The following PMP22 variants were observed in gnomAD, a reference collection of about 807,000 sequenced individuals.
PMP22 encodes peripheral myelin protein 22, also known as Charcot-Marie-Tooth neuropathy 1A (greatly reduced nerve conduction velocity, hereditary motor sensory neuropathy Ia).
In PMP22, 2 loss-of-function variants were observed where a neutral mutation model predicts 18.9. The ratio of observed to expected loss-of-function variants is 0.11; its 90% CI spans 0.04 to 0.33. The LOEUF is 0.33. PMP22 is among the 10% of genes least tolerant of loss of function. PMP22 has a pLI of 1.00. For synonymous variants in PMP22, 95 were observed against 89.2 expected (o/e 1.07, Z -0.37); for missense variants, 169 against 202.2 (o/e 0.84, Z 1.00).
At position 15,230,145 on chromosome 17, in the gene PMP22, C is replaced by G. The variant is rs1418409500; in HGVS notation, c.*772G>C. The G allele has an allele frequency of 6.5e-6, 1 of 152,738 alleles. No homozygotes were observed. The highest frequency in any genetic ancestry group is 1.5e-5 in the Non-Finnish European group (1 of 68,118). The allele number at this position is 152,738 out of a possible 1,614,324, so 9.5% of individuals were successfully genotyped here. A position where few individuals can be genotyped will look rare whatever the true frequency, so the allele number is the denominator to read the frequency against. Reference sequence around the variant, plus strand: ...TTATATTACACAGAATTATTCAGGTCTCCATTCTATCTTATGTTGTAAAAT... The same window carrying G: ...TTATATTACACAGAATTATTCAGGTGTCCATTCTATCTTATGTTGTAAAAT... On this transcript the variant is annotated 3_prime_UTR_variant, in exon 5 of 5. Coordinates refer to ENST00000312280, the MANE Select transcript of PMP22 (RefSeq NM_000304.4).
At chr17:15,250,959 T>TGA (rs1427151619) in intron 3 of PMP22, among the ~76,000 whole-genome samples, 1 of 152,230 alleles carries the variant, frequency 6.6e-6, no homozygotes, top group Non-Finnish European at 1.5e-5. Context: ...ACAGCCAGAA[T>TGA]GAGCTTACAA....
chr17:15,238,594 G>T (rs1907008337), intron 4 of PMP22, among the ~76,000 whole-genome samples: 1 of 152,186 alleles, frequency 6.6e-6, no homozygotes, highest in Admixed American at 6.5e-5. Context: ...ATGCCCTGCT[G>T]GTTCAGTCAA....
In PMP22 at chr17:15,239,628, C is replaced by G. The variant is rs77406217; in HGVS notation, c.179-17G>C. On this transcript the variant is annotated splice_polypyrimidine_tract_variant and intron_variant, in intron 3 of 4. Transcript: ENST00000312280. The stretch of plus-strand genomic sequence containing the variant: ...GCAGCCATTCTGGGGGAAAGAGACA[C>G]TTGGTTAGGAGAGCTGGCCATGGCC... The G allele has an allele frequency of 1.9e-6, 3 of 1,613,390 alleles. No homozygotes were observed. The highest frequency in any genetic ancestry group is 2.5e-6 in the Non-Finnish European group (3 of 1,179,830).
intron 4 of PMP22, among the ~76,000 whole-genome samples, chr17:15,232,828 T>C (rs230944): frequency 0.57 from 87,396 of 152,000 alleles, 26,014 homozygotes; most frequent in African/African-American, 0.74. Context: ...ACAAGAGGGA[T>C]AGAAAGAGGC....
At chr17:15,248,050 C>T (rs1907985942) in intron 3 of PMP22, among the ~76,000 whole-genome samples, 1 of 152,210 alleles carries the variant, frequency 6.6e-6, no homozygotes, top group Non-Finnish European at 1.5e-5. Flanking sequence ...CTCTGAAAGG[C>T]CTCCATCCTA....
chr17:15,254,643 G>A (rs941061403), intron 3 of PMP22, among the ~76,000 whole-genome samples: 27 of 152,286 alleles, frequency 1.8e-4, no homozygotes, highest in African/African-American at 5.5e-4. Context: ...GGATTCAGAA[G>A]AGAGGTCTGG....
At position 15,258,402 on chromosome 17, in the gene PMP22, C is replaced by T. The variant is rs941745492; in HGVS notation, c.178+692G>A. ...GGGTGCCTTGGGTACCTAGTTGGTG[C>T]TTCTGCTGCCAATTATCCCTTAATT... On this transcript the variant is annotated intron_variant, in intron 3 of 4. Coordinates refer to ENST00000312280, the MANE Select transcript of PMP22 (RefSeq NM_000304.4). This position sits in a 1 kb window ranked among gnomAD's most constrained non-coding sequence, Gnocchi z 4.1. Among the ~76,000 whole-genome samples, 3 of 152,136 alleles carry T rather than the reference C, an allele frequency of 2.0e-5. No individual in the cohort carries two copies. Among genetic ancestry groups the T allele is most frequent in the Non-Finnish European group, 4.4e-5 (3 of 68,032 alleles).
intron 3 of PMP22, chr17:15,251,778 C>A (rs926275134): frequency 6.6e-6 from 1 of 152,106 alleles, no homozygotes; most frequent in Non-Finnish European, 1.5e-5. Flanking sequence ...TCAGGCTGCA[C>A]CATGGCCAGT....
Position 15,230,709 on chromosome 17 carries a change from T to C in PMP22, c.*208A>G, listed in dbSNP as rs1440822726. 2 of 595,510 alleles carry C rather than the reference T, an allele frequency of 3.4e-6. No individual in the cohort carries two copies. Among genetic ancestry groups the C allele is most frequent in the East Asian group, 2.9e-5 (1 of 35,072 alleles). The allele number at this position is 595,510 out of a possible 1,614,324, so 36.9% of individuals were successfully genotyped here. ...AAAAGCAAACAATACTATGTACATA[T>C]ATGTAAAAAGTGTTATAAATAGGTT... On this transcript the variant is annotated 3_prime_UTR_variant, in exon 5 of 5. Coordinates refer to ENST00000312280, the MANE Select transcript of PMP22 (RefSeq NM_000304.4).
intron 4 of PMP22, among the ~76,000 whole-genome samples, chr17:15,235,754 C>CT (rs1191073601): frequency 4.6e-5 from 7 of 151,602 alleles, no homozygotes; most frequent in Admixed American, 2.6e-4. Context: ...TTTTTCTTTT[C>CT]TTTTTTCTTT....
chr17:15,246,019 CAAAAAAAAA>C (rs58149809), intron 3 of PMP22, among the ~76,000 whole-genome samples: 4 of 129,118 alleles, frequency 3.1e-5, no homozygotes, highest in Non-Finnish European at 6.6e-5. Flanking sequence ...AGACTCGTCT[CAAAAAAAAA>C]AAAAAGAAAA....
chr17:15,248,941 C>A (rs1042504799), intron 3 of PMP22, among the ~76,000 whole-genome samples: 2 of 152,174 alleles, frequency 1.3e-5, no homozygotes, highest in Non-Finnish European at 1.5e-5. Context: ...TCATGAACTG[C>A]ATCAGTGGAG....
At chr17:15,250,067 C>T (rs1160833064) in intron 3 of PMP22, among the ~76,000 whole-genome samples, 3 of 152,170 alleles carry the variant, frequency 2.0e-5, no homozygotes, top group Non-Finnish European at 4.4e-5. Flanking sequence ...AGGCACCGGC[C>T]ACCACGCCCG....
At chr17:15,251,935 G>T (rs1908389555) in intron 3 of PMP22, among the ~76,000 whole-genome samples, 1 of 151,918 alleles carries the variant, frequency 6.6e-6, no homozygotes, top group Non-Finnish European at 1.5e-5. Context: ...TAATTCCTGG[G>T]TATTGGCATC....
chr17:15,259,950 AAAAAAG>A (rs1432334954), intron 2 of PMP22, among the ~76,000 whole-genome samples: 62 of 151,866 alleles, frequency 4.1e-4, no homozygotes, highest in Admixed American at 9.2e-4. Context: ...AAAAAAAAAA[AAAAAAG>A]AAAAGAAAAG....
chr17:15,242,003 A>T (rs2150680557), intron 3 of PMP22, among the ~76,000 whole-genome samples: 1 of 152,210 alleles, frequency 6.6e-6, no homozygotes, highest in South Asian at 2.1e-4. Flanking sequence ...TTTGATTAAG[A>T]CATTTTGGGA....
chr17:15,236,011 C>G (rs1906776076), intron 4 of PMP22, among the ~76,000 whole-genome samples: 1 of 151,838 alleles, frequency 6.6e-6, no homozygotes, highest in African/African-American at 2.4e-5. Flanking sequence ...CTGCCCACCT[C>G]AGCCTCCCAA....
At chr17:15,248,455 G>A (rs1366355187) in intron 3 of PMP22, among the ~76,000 whole-genome samples, 1 of 152,212 alleles carries the variant, frequency 6.6e-6, no homozygotes, top group African/African-American at 2.4e-5. Flanking sequence ...AGGCTTTGTG[G>A]CAGGCACAGA....
intron 3 of PMP22, among the ~76,000 whole-genome samples, chr17:15,244,906 A>G (rs230916): frequency 0.34 from 51,574 of 152,110 alleles, 9,585 homozygotes; most frequent in Middle Eastern, 0.44. Context: ...AATAATTAAA[A>G]CCAATTTAAA....
Sources: gnomAD v4.1 joint callset for allele counts (sites outside exome capture counted in the v4.1 genomes callset) on GRCh38, gnomAD v4.1.1 for gene constraint, Gnocchi (gnomAD v3.1) non-coding constraint, MANE v1.5 for transcripts, NCBI Gene and HGNC (gene_info 2026-07-23, HGNC 2026-07-21) for gene names.